The following TENM2 variants were observed in gnomAD, a reference collection of about 807,000 sequenced individuals.
The protein encoded by TENM2 is teneurin transmembrane protein 2.
TENM2 carries 52 observed loss-of-function variants against 245.2 expected under a neutral mutation model. The observed-to-expected ratio is 0.21, with a 90% confidence interval of 0.17 to 0.27. The LOEUF (loss-of-function observed/expected upper bound fraction) is 0.27, where lower values mean the gene tolerates loss of function less well. Ranked by LOEUF, TENM2 falls within the 10% of genes least tolerant of loss-of-function variation. The pLI is 1.00. For missense variants in TENM2, 3,046 were observed against 3,666.8 expected, an observed-to-expected ratio of 0.83 and a Z score of 4.37; for synonymous variants, 1,363 against 1,438.9, an observed-to-expected ratio of 0.95 and a Z score of 1.19.
intron 2 of TENM2, among the ~76,000 whole-genome samples, chr5:167,425,491 A>G (rs913624086): frequency 6.6e-6 from 1 of 152,152 alleles, no homozygotes; most frequent in East Asian, 1.9e-4. Context: ...GCAAATTTCA[A>G]TTTCTAAATT....
chr5:168,140,137 G>C (rs1755409597), intron 12 of TENM2, among the ~76,000 whole-genome samples: 1 of 152,074 alleles, frequency 6.6e-6, no homozygotes, highest in Non-Finnish European at 1.5e-5. Context: ...TAAGCTGGTG[G>C]GAGTCTCATT....
At chr5:167,474,536 C>T (rs1192398193) in intron 2 of TENM2, among the ~76,000 whole-genome samples, 3 of 138,162 alleles carry the variant, frequency 2.2e-5, no homozygotes, top group Admixed American at 7.4e-5. Context: ...TTTTTTGAGA[C>T]GGAGTCTCAC....
intron 2 of TENM2, among the ~76,000 whole-genome samples, chr5:167,719,776 G>A (rs974114736): frequency 5.9e-5 from 9 of 152,136 alleles, no homozygotes; most frequent in African/African-American, 7.2e-5. Flanking sequence ...TTTTGTACAC[G>A]TGGGTGAGTG....
At chr5:167,525,179 A>G (rs890067953) in intron 2 of TENM2, among the ~76,000 whole-genome samples, 4 of 152,068 alleles carry the variant, frequency 2.6e-5, no homozygotes, top group Admixed American at 6.6e-5. Flanking sequence ...ATCAGAAAGA[A>G]TTTCCTTTGA....
intron 1 of TENM2, among the ~76,000 whole-genome samples, chr5:167,336,344 G>C (rs1305178113): frequency 6.6e-6 from 1 of 151,436 alleles, no homozygotes; most frequent in African/African-American, 2.4e-5. Flanking sequence ...ACCAAGCTGG[G>C]GCAGCCATAG....
At chr5:167,034,397 G>T in the TENM2 span, among the ~76,000 whole-genome samples, 584 of 152,246 alleles carry the variant, frequency 3.8e-3, 2 homozygotes, top group African/African-American at 0.014. Context: ...TTGGGAGGCC[G>T]AGGCGGGTGG....
intron 2 of TENM2, among the ~76,000 whole-genome samples, chr5:167,808,266 G>C (rs534164466): frequency 6.6e-6 from 1 of 152,010 alleles, no homozygotes; most frequent in Non-Finnish European, 1.5e-5. Context: ...TTGTTTGTCT[G>C]TTTGTTTGTT....
chr5:168,170,543 GAGGAAGGAAGAA>G (rs1164878951), intron 13 of TENM2, among the ~76,000 whole-genome samples: 4 of 152,028 alleles, frequency 2.6e-5, no homozygotes, highest in African/African-American at 2.4e-5. Flanking sequence ...AGGAGGGAGG[GAGGAAGGAAGAA>G]AGGAAGGAAG....
At chr5:168,177,328 AT>A (rs539176755) in intron 13 of TENM2, among the ~76,000 whole-genome samples, 1 of 152,146 alleles carries the variant, frequency 6.6e-6, no homozygotes, top group Admixed American at 6.5e-5. Flanking sequence ...AGTTTATTTG[AT>A]TTTTTTGCAA....
the TENM2 span, among the ~76,000 whole-genome samples, chr5:167,243,500 T>C: frequency 6.6e-6 from 1 of 152,094 alleles, no homozygotes; most frequent in African/African-American, 2.4e-5. Context: ...TCCTTGGAGA[T>C]GAGCTCAAAG....
chr5:167,361,351 A>G (rs917883680), intron 1 of TENM2, among the ~76,000 whole-genome samples: 1 of 152,148 alleles, frequency 6.6e-6, no homozygotes, highest in Non-Finnish European at 1.5e-5. Flanking sequence ...CTCCAGAAAT[A>G]ATTGCGATTA....
chr5:167,157,528 C>G, the TENM2 span, among the ~76,000 whole-genome samples: 2 of 152,288 alleles, frequency 1.3e-5, no homozygotes, highest in Non-Finnish European at 1.5e-5. Flanking sequence ...GTGAAGGTCT[C>G]TTTTAGTCAG....
chr5:167,645,796 G>A (rs1779888853), intron 2 of TENM2, among the ~76,000 whole-genome samples: 2 of 151,770 alleles, frequency 1.3e-5, no homozygotes, highest in African/African-American at 4.8e-5. Context: ...TTCTGAAGGA[G>A]CTATATGTAA....
At chr5:167,500,385 G>T (rs1054323140) in intron 2 of TENM2, among the ~76,000 whole-genome samples, 1 of 151,942 alleles carries the variant, frequency 6.6e-6, no homozygotes. Flanking sequence ...TATTATGAAG[G>T]CATGATCTGT....
rs1017679073 is a variant in TENM2, at chr5:167,309,771, G to A, written c.226+24708G>A. The stretch of plus-strand genomic sequence containing the variant: ...GAAACCCACAAGCTACTCCAGGAGA[G>A]GCTAAAAGAGTCTTATTATGCCAAT... On this transcript the variant is annotated intron_variant, in intron 1 of 28. Transcript: ENST00000518659. 5.3e-5 allele frequency: 8 copies of A among 152,264 alleles called. No individual in the cohort carries two copies. The South Asian group carries it at 1.4e-3, about 28-fold the overall frequency. The allele number at this position is 152,264 out of a possible 1,614,324, so 9.4% of individuals were successfully genotyped here. A position where few individuals can be genotyped will look rare whatever the true frequency, so the allele number is the denominator to read the frequency against.
chr5:167,954,782 C>A (rs1367665295), intron 4 of TENM2, among the ~76,000 whole-genome samples: 33 of 152,154 alleles, frequency 2.2e-4, no homozygotes, highest in Admixed American at 2.1e-3. Flanking sequence ...CATGTCCCTG[C>A]AAAGGACATG....
chr5:167,867,845 C>G (rs558948579), intron 2 of TENM2, among the ~76,000 whole-genome samples: 1 of 152,162 alleles, frequency 6.6e-6, no homozygotes, highest in Admixed American at 6.5e-5. Flanking sequence ...TGGGGAAAAG[C>G]ATGCTGAAAC....
At chr5:168,251,665 A>C (rs1767125579) in intron 27 of TENM2, among the ~76,000 whole-genome samples, 1 of 152,226 alleles carries the variant, frequency 6.6e-6, no homozygotes, top group African/African-American at 2.4e-5. Context: ...AGACTAGCAG[A>C]GTGGCTGAAC....
the TENM2 span, among the ~76,000 whole-genome samples, chr5:167,075,973 T>C: frequency 6.6e-6 from 1 of 152,208 alleles, no homozygotes; most frequent in Non-Finnish European, 1.5e-5. Flanking sequence ...GCCAGTCTTT[T>C]CCCAGGTTTT....
Sources: gnomAD v4.1 joint callset for allele counts (sites outside exome capture counted in the v4.1 genomes callset) on GRCh38, gnomAD v4.1.1 for gene constraint, MANE v1.5 for transcripts, NCBI Gene and HGNC (gene_info 2026-07-23, HGNC 2026-07-21) for gene names.